Variants in SMYD4 observed in about 807,000 individuals in gnomAD.
SMYD4 encodes the protein protein-lysine N-methyltransferase SMYD4.
Under a neutral mutation model 72.8 loss-of-function variants are expected in SMYD4, and 68 were observed. That is an observed-to-expected ratio of 0.93 (90% CI 0.77 to 1.14). The LOEUF (loss-of-function observed/expected upper bound fraction) is 1.14, where lower values mean the gene tolerates loss of function less well. Ranked by LOEUF, SMYD4 falls within the 50% of genes most tolerant of loss-of-function variation. SMYD4 has a pLI of 0.00. For synonymous variants in SMYD4, 407 were observed against 388.6 expected, an observed-to-expected ratio of 1.05 and a Z score of -0.56; for missense variants, 984 against 1,003.7, an observed-to-expected ratio of 0.98 and a Z score of 0.27.
intron 5 of SMYD4, among the ~76,000 whole-genome samples, chr17:1,796,308 T>TTTTTTC (rs1241646606): frequency 6.8e-6 from 1 of 147,746 alleles, no homozygotes; most frequent in African/African-American, 2.5e-5. Context: ...TGTTTTTTTT[T>TTTTTTC]TTTTTTTTTG....
At chr17:1,787,840 T>C (rs894585691) in intron 5 of SMYD4, among the ~76,000 whole-genome samples, 1 of 152,080 alleles carries the variant, frequency 6.6e-6, no homozygotes, top group South Asian at 2.1e-4. Flanking sequence ...CTAACGACTG[T>C]GTCTCTACAC....
chr17:1,826,491 C>CAAAAAAAAAAAAAAAAAAAAAAAAA (rs111636314), intron 2 of SMYD4, among the ~76,000 whole-genome samples: 1 of 103,058 alleles, frequency 9.7e-6, no homozygotes, highest in African/African-American at 3.2e-5. Flanking sequence ...AAACTCTGTC[C>CAAAAAAAAAAAAAAAAAAAAAAAAA]AAAAAAAAAA....
chr17:1,784,270 A>T, intron 8 of SMYD4, 56 bp downstream of exon 8: 2 of 1,610,092 alleles, frequency 1.2e-6, no homozygotes, highest in South Asian at 2.2e-5. Context: ...CCAAAACGGT[A>T]TCAGAACAAA....
chr17:1,788,856 T>C (rs1344187473), intron 5 of SMYD4, among the ~76,000 whole-genome samples: 2 of 152,230 alleles, frequency 1.3e-5, no homozygotes, highest in Admixed American at 1.3e-4. Flanking sequence ...TGCTGGCTTT[T>C]CTCAAAGCCA....
chr17:1,800,708 G>A lies in SMYD4; in HGVS notation c.686C>T (p.Ser229Phe), dbSNP rs756501365. Residue 229 changes from serine (S) to phenylalanine (F), a missense_variant, in exon 5 of 11, where the codon TCC (serine) becomes TTC (phenylalanine). Transcript: ENST00000305513. ...TAAGCCGATGGATGATGAGGCATTG[G>A]AAAGTTGTTCATTCTCCTCCCTCAG... is the stretch of plus-strand genomic sequence containing the variant. ...AALREENEQL[S>F]NASSSIGLCV... 3 of 1,614,120 alleles carry A rather than the reference G, an allele frequency of 1.9e-6. No individual in the cohort carries two copies. Among genetic ancestry groups the A allele is most frequent in the African/African-American group, 2.7e-5 (2 of 74,942 alleles).
chr17:1,828,457 A>G (rs559643150), intron 1 of SMYD4, among the ~76,000 whole-genome samples: 2 of 152,200 alleles, frequency 1.3e-5, no homozygotes, highest in South Asian at 2.1e-4. Flanking sequence ...GGAAGGATCT[A>G]TATTTTCTCA....
intron 2 of SMYD4, among the ~76,000 whole-genome samples, chr17:1,824,166 A>C (rs1303079211): frequency 6.6e-6 from 1 of 152,068 alleles, no homozygotes; most frequent in Non-Finnish European, 1.5e-5. Flanking sequence ...AACATGGTAA[A>C]ACCCCGTCTC....
Position 1,824,369 on chromosome 17 carries a change from C to G in SMYD4, c.134+3492G>C, listed in dbSNP as rs1389289957. 3.3e-5 allele frequency among the ~76,000 whole-genome samples: 5 copies of G among 152,208 alleles called. No individual in the cohort carries two copies. The East Asian group carries it at 9.7e-4, about 29-fold the overall frequency. On this transcript the variant is annotated intron_variant, in intron 2 of 10. Transcript: ENST00000305513. ...AAAGAAAAATAATACTAATAAAATA[C>G]ACTATAAAGTCACAGTAATTAAAAC...
chr17:1,806,297 A>C (rs930790829), intron 3 of SMYD4, among the ~76,000 whole-genome samples: 3 of 152,234 alleles, frequency 2.0e-5, no homozygotes, highest in Non-Finnish European at 4.4e-5. Flanking sequence ...CACAAAACCC[A>C]GAAGTTATCA....
At chr17:1,819,721 C>T (rs60671851) in intron 2 of SMYD4, among the ~76,000 whole-genome samples, 225 of 152,234 alleles carry the variant, frequency 1.5e-3, no homozygotes, top group African/African-American at 5.1e-3. Flanking sequence ...TAAAGACAAA[C>T]TTTCTCCTTT....
intron 10 of SMYD4, chr17:1,781,931 TTC>T (rs1205198267): frequency 4.5e-5 from 7 of 154,212 alleles, no homozygotes; most frequent in Non-Finnish European, 8.6e-5. Flanking sequence ...TGCAGCCCTT[TTC>T]TCTCTCTCTG....
intron 2 of SMYD4, among the ~76,000 whole-genome samples, 158 bp downstream of exon 2, chr17:1,827,703 A>G (rs910069806): frequency 2.6e-5 from 4 of 152,160 alleles, no homozygotes; most frequent in African/African-American, 9.7e-5. Context: ...TGGGAGGCCA[A>G]GGTGGGAGGA....
chr17:1,792,224 A>G (rs1401597064), intron 5 of SMYD4, among the ~76,000 whole-genome samples: 1 of 151,922 alleles, frequency 6.6e-6, no homozygotes, highest in Non-Finnish European at 1.5e-5. Context: ...TTGTATTTTT[A>G]GTAGAGACGG....
intron 5 of SMYD4, among the ~76,000 whole-genome samples, chr17:1,787,882 GAAGT>G (rs1364693792): frequency 1.3e-5 from 2 of 152,164 alleles, no homozygotes; most frequent in East Asian, 1.9e-4. Context: ...AACTTATAAA[GAAGT>G]AATAAAAAAG....
At chr17:1,795,747 G>GTTTTTTTTT (rs368038317) in intron 5 of SMYD4, among the ~76,000 whole-genome samples, 6,919 of 127,852 alleles carry the variant, frequency 0.054, 299 homozygotes, top group African/African-American at 0.11. Context: ...TGGCCCGTGA[G>GTTTTTTTTT]TTTTTTTTTT....
In SMYD4 at chr17:1,800,720, T is replaced by C. The variant is rs779745541; in HGVS notation, c.674A>G (p.Asn225Ser). ...TGATGAGGCATTGGAAAGTTGTTCATTCTCCTCCCTCAGCGCTGCATCCTC... is the reference window on the plus strand; with the variant it reads ...TGATGAGGCATTGGAAAGTTGTTCACTCTCCTCCCTCAGCGCTGCATCCTC... ...TLEDAALREE[N>S]EQLSNASSSI... The change falls in exon 5 of 11, where the codon AAT becomes AGT. Residue 225 changes from asparagine to serine, a missense_variant. Physicochemically the swap from Asn to Ser is conservative, Grantham distance 46. Transcript: ENST00000305513. 3.7e-6 allele frequency: 6 copies of C among 1,614,234 alleles called. No individual in the cohort carries two copies. The South Asian group carries it at 4.4e-5, about 12-fold the overall frequency.
At chr17:1,795,843 ATAAG>A (rs1909381528) in intron 5 of SMYD4, among the ~76,000 whole-genome samples, 1 of 151,382 alleles carries the variant, frequency 6.6e-6, no homozygotes, top group Non-Finnish European at 1.5e-5. Context: ...CACTGTGTGA[ATAAG>A]TGTTTTTAAT....
At chr17:1,817,915 C>T (rs894317290) in intron 2 of SMYD4, among the ~76,000 whole-genome samples, 30 of 151,526 alleles carry the variant, frequency 2.0e-4, no homozygotes, top group East Asian at 1.9e-3. Context: ...GGCGTGGTGG[C>T]GGGTGCCTGT....
chr17:1,824,694 A>G (rs1026461759), intron 2 of SMYD4, among the ~76,000 whole-genome samples: 1 of 152,010 alleles, frequency 6.6e-6, no homozygotes, highest in East Asian at 1.9e-4. Context: ...ATCTCAGCGC[A>G]CTGCACCCTC....
Sources: allele counts gnomAD v4.1 joint callset (sites outside exome capture counted in the v4.1 genomes callset), GRCh38; gene constraint gnomAD v4.1.1; transcripts MANE v1.5; gene names NCBI Gene and HGNC (gene_info 2026-07-23, HGNC 2026-07-21).